The following RBM47 variants were observed in gnomAD, a reference collection of about 807,000 sequenced individuals.
RBM47 encodes the protein RNA-binding protein 47.
A neutral mutation model predicts 47.1 loss-of-function variants in RBM47; 21 were observed. The ratio of observed to expected loss-of-function variants is 0.45; its 90% CI spans 0.32 to 0.64. The LOEUF (loss-of-function observed/expected upper bound fraction) is 0.64, where lower values mean the gene tolerates loss of function less well. RBM47 is among the 30% of genes least tolerant of loss of function. RBM47 has a pLI of 0.05. For synonymous variants in RBM47, 375 were observed against 361.7 expected (o/e 1.04, Z -0.42); for missense variants, 708 against 870.9 (o/e 0.81, Z 2.35).
chr4:40,432,777 T>C lies in RBM47; in HGVS notation c.1416A>G (p.Thr472=). ...PKMIEDGKIH[T]VEHMISPIAV... is the part of the protein sequence containing the mutation. Reference sequence around the variant, plus strand: ...CAATGGGGCTGATCATGTGCTCCACTGTGTGGATTTTGCCATCTTCAATCA... The same window carrying C: ...CAATGGGGCTGATCATGTGCTCCACCGTGTGGATTTTGCCATCTTCAATCA... The change falls in exon 6 of 7, where the codon ACA becomes ACG. Residue 472 remains threonine, a synonymous_variant. Transcript: ENST00000295971. The C allele has an allele frequency of 6.2e-7, 1 of 1,613,762 alleles. No homozygotes were observed. Among genetic ancestry groups the C allele is most frequent in the Non-Finnish European group, 8.5e-7 (1 of 1,179,944 alleles).
chr4:40,556,118 C>T, intron 1 of RBM47, among the ~76,000 whole-genome samples: 1 of 151,684 alleles, frequency 6.6e-6, no homozygotes, highest in Non-Finnish European at 1.5e-5. Context: ...TCACTGCAAC[C>T]TCTGCCTCCT....
At chr4:40,541,283 C>T (rs904537956) in intron 2 of RBM47, among the ~76,000 whole-genome samples, 10 of 143,390 alleles carry the variant, frequency 7.0e-5, no homozygotes, top group East Asian at 2.1e-4. Flanking sequence ...AAAAAAAAAT[C>T]GCATCAAATT....
Position 40,466,700 on chromosome 4 carries a change from C to T in RBM47, c.-154-1G>A, listed in dbSNP as rs1718079890. 7.1e-6 allele frequency: 1 copy of T among 139,924 alleles called. No homozygotes were observed. Among genetic ancestry groups the T allele is most frequent in the African/African-American group, 2.7e-5 (1 of 37,528 alleles). The allele number at this position is 139,924 out of a possible 1,614,324, so 8.7% of individuals were successfully genotyped here. On this transcript the variant is annotated splice_acceptor_variant, in intron 2 of 6. Transcript: ENST00000295971. LOFTEE classifies it low-confidence loss of function (5UTR_SPLICE). The stretch of plus-strand genomic sequence containing the variant: ...TTTGCAGTGCCCTTTGAGGCAAATC[C>T]TAAGGGTTAAAAAAGAAATGGTTAG...
In RBM47 at chr4:40,593,607, A is replaced by G. The variant is rs551561736; in HGVS notation, c.-240+35789T>C. Among the ~76,000 whole-genome samples the G allele has an allele frequency of 1.1e-4, 16 of 152,016 alleles. No homozygotes were observed. In the East Asian group the frequency reaches 2.1e-3, roughly 20 times the overall value. On this transcript the variant is annotated intron_variant, in intron 1 of 6. Transcript: ENST00000295971. The stretch of plus-strand genomic sequence containing the variant: ...AAAAATTAGCTGGACACAGCTGGGC[A>G]CGGTGGCTCACGCCTGTAATCCCAG...
chr4:40,435,050 C>T (rs1486866577), intron 5 of RBM47, among the ~76,000 whole-genome samples: 1 of 152,088 alleles, frequency 6.6e-6, no homozygotes, highest in Non-Finnish European at 1.5e-5. Flanking sequence ...ATGTTTTTTG[C>T]AGGTTCGGAT....
chr4:40,435,286 T>C (rs187745852), intron 5 of RBM47, among the ~76,000 whole-genome samples: 148 of 152,216 alleles, frequency 9.7e-4, no homozygotes, highest in African/African-American at 3.4e-3. Context: ...CAGTGGCTCA[T>C]GCCTGTAATC....
chr4:40,440,025 G>A (rs191010230), intron 3 of RBM47, among the ~76,000 whole-genome samples: 43 of 152,196 alleles, frequency 2.8e-4, no homozygotes, highest in Admixed American at 1.6e-3. Context: ...GAACTGTGCC[G>A]CCTTCACTTA....
Position 40,527,241 on chromosome 4 carries a change from G to C in RBM47, c.-155+17181C>G, listed in dbSNP as rs1726817434. ...GGGTTCAAGCAATCCTCCCACCTCA[G>C]CCTCCCAAGTAGCTGGGACTACAGG... On this transcript the variant is annotated intron_variant, in intron 2 of 6. Coordinates refer to ENST00000295971, the MANE Select transcript of RBM47 (RefSeq NM_001098634.2). 2.6e-5 allele frequency among the ~76,000 whole-genome samples: 4 copies of C among 151,568 alleles called. No homozygotes were observed. In the South Asian group the frequency reaches 8.4e-4, roughly 32 times the overall value.
chr4:40,477,075 C>T (rs1024846511), intron 2 of RBM47, among the ~76,000 whole-genome samples: 3 of 152,084 alleles, frequency 2.0e-5, no homozygotes, highest in South Asian at 2.1e-4. Context: ...CCCAACTACT[C>T]GGAAGGCTGA....
chr4:40,497,351 G>T (rs114727510), intron 2 of RBM47, among the ~76,000 whole-genome samples: 1,841 of 152,286 alleles, frequency 0.012, 44 homozygotes, highest in African/African-American at 0.042. Flanking sequence ...GGGCATGGTG[G>T]CTCAAGCCTG....
chr4:40,464,890 CAAAAA>C (rs71646997), intron 3 of RBM47, among the ~76,000 whole-genome samples: 3 of 32,094 alleles, frequency 9.3e-5, no homozygotes, highest in Admixed American at 5.1e-4. Flanking sequence ...GACTCTGTCT[CAAAAA>C]AAAAAAAAAA....
intron 1 of RBM47, among the ~76,000 whole-genome samples, chr4:40,590,282 C>T (rs528128206): frequency 1.3e-5 from 2 of 152,128 alleles, no homozygotes; most frequent in Admixed American, 6.5e-5. Flanking sequence ...ATAATCCCAG[C>T]GACTCCAGAG....
chr4:40,596,347 AG>A (rs1285400665), intron 1 of RBM47, among the ~76,000 whole-genome samples: 2 of 152,138 alleles, frequency 1.3e-5, no homozygotes, highest in African/African-American at 2.4e-5. Context: ...CTTAGGTTTA[AG>A]GGGGGGAAGA....
At chr4:40,546,078 G>A (rs1297845798) in intron 1 of RBM47, among the ~76,000 whole-genome samples, 2 of 152,102 alleles carry the variant, frequency 1.3e-5, no homozygotes, top group Non-Finnish European at 2.9e-5. Context: ...CACCTTGGAA[G>A]CCCTCTACAG....
intron 1 of RBM47, among the ~76,000 whole-genome samples, chr4:40,616,232 T>C (rs1011832354): frequency 6.6e-6 from 1 of 151,912 alleles, no homozygotes; most frequent in Non-Finnish European, 1.5e-5. Context: ...CGGGCGCCTG[T>C]AGTCCCAGCT....
intron 2 of RBM47, among the ~76,000 whole-genome samples, chr4:40,482,649 A>T (rs984321405): frequency 2.0e-5 from 3 of 152,214 alleles, no homozygotes; most frequent in African/African-American, 7.2e-5. Context: ...TTACTTTGTG[A>T]TTTAAAAAGT....
intron 1 of RBM47, among the ~76,000 whole-genome samples, chr4:40,596,251 G>A (rs1037507712): frequency 2.6e-5 from 4 of 152,228 alleles, no homozygotes; most frequent in Admixed American, 2.0e-4. Context: ...AGAGGAATAA[G>A]ATAACATCAT....
intron 1 of RBM47, among the ~76,000 whole-genome samples, chr4:40,599,193 G>A (rs571844119): frequency 1.3e-5 from 2 of 149,902 alleles, no homozygotes; most frequent in East Asian, 3.9e-4. Flanking sequence ...AGGAGGCGGA[G>A]GTTGCAGTGG....
intron 3 of RBM47, among the ~76,000 whole-genome samples, chr4:40,453,202 A>G (rs1715721045): frequency 6.6e-6 from 1 of 152,136 alleles, no homozygotes; most frequent in African/African-American, 2.4e-5. Flanking sequence ...TTTTTGTACA[A>G]GGCACTGTGC....
Sources: allele counts gnomAD v4.1 joint callset (sites outside exome capture counted in the v4.1 genomes callset), GRCh38; gene constraint gnomAD v4.1.1; transcripts MANE v1.5; gene names NCBI Gene and HGNC (gene_info 2026-07-23, HGNC 2026-07-21).